NRG1: variants seen among roughly 807,000 people sequenced by gnomAD.
NRG1 encodes neuregulin 1.
A neutral mutation model predicts 63.8 loss-of-function variants in NRG1; 18 were observed. The ratio of observed to expected loss-of-function variants is 0.28; its 90% CI spans 0.19 to 0.42. NRG1 has a LOEUF of 0.42. Among genes scored for constraint, NRG1 ranks in the 10% least tolerant of loss-of-function variants. The pLI, the probability that NRG1 is intolerant of heterozygous loss-of-function variation, is 1.00. For missense variants in NRG1, 762 were observed against 814.7 expected, an observed-to-expected ratio of 0.94 and a Z score of 0.79; for synonymous variants, 302 against 301.3, an observed-to-expected ratio of 1.00 and a Z score of -0.02.
intron 1 of NRG1, among the ~76,000 whole-genome samples, chr8:31,902,115 A>C (rs762810396): frequency 6.6e-6 from 1 of 152,200 alleles, no homozygotes; most frequent in Non-Finnish European, 1.5e-5. Context: ...AGACTTAACT[A>C]CCCTATTACA....
chr8:32,002,001 G>C (rs1310839198), intron 1 of NRG1, among the ~76,000 whole-genome samples: 1 of 152,002 alleles, frequency 6.6e-6, no homozygotes, highest in East Asian at 1.9e-4. Context: ...ACCCACTGGA[G>C]GGTGAAATAT....
intron 1 of NRG1, among the ~76,000 whole-genome samples, chr8:31,987,680 C>A (rs747828707): frequency 6.6e-6 from 1 of 151,878 alleles, no homozygotes; most frequent in Non-Finnish European, 1.5e-5. Context: ...ATTTGTATAA[C>A]CAAACCCCAG....
chr8:31,932,150 T>A (rs2129620034), intron 1 of NRG1, among the ~76,000 whole-genome samples: 1 of 152,002 alleles, frequency 6.6e-6, no homozygotes, highest in South Asian at 2.1e-4. Context: ...TAATTTTTCA[T>A]CTGCTCATTA....
At chr8:31,878,713 C>T (rs190971377) in intron 1 of NRG1, among the ~76,000 whole-genome samples, 64 of 152,240 alleles carry the variant, frequency 4.2e-4, no homozygotes, top group African/African-American at 1.5e-3. Flanking sequence ...TTTCATGAGT[C>T]ATGCAGTTCA....
chr8:32,376,565 A>G (rs923048216), intron 1 of NRG1, among the ~76,000 whole-genome samples: 1 of 152,198 alleles, frequency 6.6e-6, no homozygotes, highest in Non-Finnish European at 1.5e-5. Context: ...ATTGCCCACT[A>G]AAGATGCTAA....
chr8:32,162,864 T>C (rs910208437), intron 1 of NRG1, among the ~76,000 whole-genome samples: 1 of 152,178 alleles, frequency 6.6e-6, no homozygotes, highest in South Asian at 2.1e-4. Context: ...CTTTATTACA[T>C]GGGCATTAGA....
At chr8:31,922,659 A>C (rs1834013732) in intron 1 of NRG1, among the ~76,000 whole-genome samples, 1 of 152,214 alleles carries the variant, frequency 6.6e-6, no homozygotes, top group Non-Finnish European at 1.5e-5. Flanking sequence ...GCTTTTAGGC[A>C]GGTAGTTAAT....
At chr8:32,717,547 T>C (rs1375210996) in intron 5 of NRG1, among the ~76,000 whole-genome samples, 2 of 152,188 alleles carry the variant, frequency 1.3e-5, no homozygotes, top group Non-Finnish European at 2.9e-5. Context: ...CCAAGTGTTA[T>C]GGAGCAAGAT....
In NRG1 at chr8:31,940,536, A is replaced by T. The variant is rs567242697; in HGVS notation, c.37+301105A>T. ...ACCAAACTGAAACCCGGCAGAAGAAAAGAAATAACGAGGATCAGAGCAGAA... is the reference window on the plus strand; with the variant it reads ...ACCAAACTGAAACCCGGCAGAAGAATAGAAATAACGAGGATCAGAGCAGAA... On this transcript the variant is annotated intron_variant, in intron 1 of 10. Coordinates refer to the NRG1 transcript ENST00000519301. Among the ~76,000 whole-genome samples, 93 of 152,290 alleles carry T rather than the reference A, an allele frequency of 6.1e-4. No homozygotes were observed. In the Middle Eastern group the frequency reaches 0.02, roughly 33 times the overall value.
chr8:31,947,306 CAAAAAAAAAAAAAAA>C (rs61713691), intron 1 of NRG1, among the ~76,000 whole-genome samples: 348 of 132,604 alleles, frequency 2.6e-3, no homozygotes, highest in Non-Finnish European at 2.7e-3. Context: ...GACTCCGTCT[CAAAAAAAAAAAAAAA>C]AAAAAAAAAA....
chr8:32,531,073 G>A (rs969585576), intron 1 of NRG1, among the ~76,000 whole-genome samples: 2 of 152,002 alleles, frequency 1.3e-5, no homozygotes, highest in African/African-American at 4.8e-5. Flanking sequence ...ACTCCAGCAT[G>A]GGTGGCAGAA....
chr8:32,757,455 T>G (rs188300987), intron 9 of NRG1, among the ~76,000 whole-genome samples: 23 of 152,300 alleles, frequency 1.5e-4, no homozygotes, highest in Admixed American at 1.1e-3. Context: ...ATGGAACAGA[T>G]ATATCATAGA....
At chr8:32,433,649 T>C (rs1818438873) in intron 1 of NRG1, among the ~76,000 whole-genome samples, 1 of 152,110 alleles carries the variant, frequency 6.6e-6, no homozygotes. Context: ...TTCTGTCTTG[T>C]AAAGGGTATT....
chr8:31,770,595 C>T (rs1426199308), intron 1 of NRG1, among the ~76,000 whole-genome samples: 1 of 140,968 alleles, frequency 7.1e-6, no homozygotes, highest in South Asian at 2.5e-4. Context: ...GGAAGGGGAA[C>T]ATCACACACC....
chr8:31,892,792 G>A (rs180965080), intron 1 of NRG1, among the ~76,000 whole-genome samples: 28 of 152,078 alleles, frequency 1.8e-4, no homozygotes, highest in African/African-American at 2.4e-5. Flanking sequence ...CACAAGGCAC[G>A]TGAAGGATAT....
At chr8:32,354,069 C>T (rs879431019) in intron 1 of NRG1, among the ~76,000 whole-genome samples, 5 of 152,024 alleles carry the variant, frequency 3.3e-5, no homozygotes, top group African/African-American at 4.8e-5. Context: ...AGATGCTAGA[C>T]GAAAAAGAGT....
intron 1 of NRG1, among the ~76,000 whole-genome samples, chr8:32,210,947 A>G (rs1396353078): frequency 1.3e-5 from 2 of 152,212 alleles, no homozygotes; most frequent in African/African-American, 4.8e-5. Context: ...AGTTTATTAA[A>G]TATATTTGTT....
At chr8:32,727,780 G>C (rs1466376285) in intron 5 of NRG1, among the ~76,000 whole-genome samples, 169 bp from the exon 6 acceptor site, 4 of 152,164 alleles carry the variant, frequency 2.6e-5, no homozygotes, top group Non-Finnish European at 5.9e-5. Context: ...ATTCTATGTA[G>C]TGAGACCACA....
chr8:31,835,661 T>A (rs1339421067), intron 1 of NRG1, among the ~76,000 whole-genome samples: 1 of 152,192 alleles, frequency 6.6e-6, no homozygotes, highest in Non-Finnish European at 1.5e-5. Flanking sequence ...TAATAGCATA[T>A]TTTTCCCATT....
Sources: allele counts gnomAD v4.1 joint callset (sites outside exome capture counted in the v4.1 genomes callset), GRCh38; gene constraint gnomAD v4.1.1; transcripts MANE v1.5; gene names NCBI Gene and HGNC (gene_info 2026-07-23, HGNC 2026-07-21).